The following CTNNBL1 variants were observed in gnomAD, a reference collection of about 807,000 sequenced individuals.
CTNNBL1 encodes beta-catenin-like protein 1.
Under a neutral mutation model 72.7 loss-of-function variants are expected in CTNNBL1, and 31 were observed. That is an observed-to-expected ratio of 0.43 (90% CI 0.32 to 0.58). The LOEUF is 0.58. Ranked by LOEUF, CTNNBL1 falls within the 20% of genes least tolerant of loss-of-function variation. CTNNBL1 has a pLI of 0.08. For synonymous variants in CTNNBL1, 240 were observed against 267.3 expected (o/e 0.90, Z 1.00); for missense variants, 534 against 725.1 (o/e 0.74, Z 3.03).
At chr20:37,746,673 C>A in intron 4 of CTNNBL1, 66 bp downstream of exon 4, 1 of 1,560,080 alleles carries the variant, frequency 6.4e-7, no homozygotes, top group Non-Finnish European at 8.8e-7. Flanking sequence ...TACTCTTTCT[C>A]CTGTCTCTCT....
intron 13 of CTNNBL1, among the ~76,000 whole-genome samples, chr20:37,858,985 G>C (rs897240352): frequency 6.6e-6 from 1 of 152,156 alleles, no homozygotes; most frequent in East Asian, 1.9e-4. Flanking sequence ...TGTTTAACCT[G>C]ATTTGGAAGG....
At chr20:37,837,424 A>G (rs1008305947) in intron 11 of CTNNBL1, among the ~76,000 whole-genome samples, 1 of 152,204 alleles carries the variant, frequency 6.6e-6, no homozygotes, top group African/African-American at 2.4e-5. Context: ...GAAGGTATAT[A>G]GTACCTCTGT....
chr20:37,716,702 G>A (rs1217233653), intron 1 of CTNNBL1, among the ~76,000 whole-genome samples: 1 of 152,162 alleles, frequency 6.6e-6, no homozygotes. Context: ...CTTCATTCAA[G>A]CTGAGAGGGA....
chr20:37,843,778 G>A (rs2072324679), intron 13 of CTNNBL1, among the ~76,000 whole-genome samples: 1 of 152,212 alleles, frequency 6.6e-6, no homozygotes, highest in Non-Finnish European at 1.5e-5. Context: ...CAGATAGGTA[G>A]CTGTGCTTTT....
intron 1 of CTNNBL1, among the ~76,000 whole-genome samples, chr20:37,723,637 G>A (rs1172552981): frequency 6.6e-6 from 1 of 152,122 alleles, no homozygotes; most frequent in Non-Finnish European, 1.5e-5. Flanking sequence ...TTTTCACTCA[G>A]ACATTTCCTA....
intron 10 of CTNNBL1, among the ~76,000 whole-genome samples, chr20:37,801,970 A>G (rs1470486280): frequency 6.6e-6 from 1 of 152,260 alleles, no homozygotes; most frequent in African/African-American, 2.4e-5. Flanking sequence ...CTAAAAGATT[A>G]TTAGAACTAG....
At chr20:37,845,363 G>A (rs568196950) in intron 13 of CTNNBL1, among the ~76,000 whole-genome samples, 17 of 152,278 alleles carry the variant, frequency 1.1e-4, no homozygotes, top group African/African-American at 3.8e-4. Context: ...TAGCACTGAC[G>A]GAGAGTAATC....
chr20:37,737,315 G>A, intron 2 of CTNNBL1, 63 bp from the exon 3 acceptor site: 1 of 1,117,822 alleles, frequency 8.9e-7, no homozygotes, highest in Non-Finnish European at 1.4e-6. Flanking sequence ...CCACAGGAAA[G>A]TAGTGACAAT....
chr20:37,804,972 C>T (rs775747941), intron 11 of CTNNBL1, among the ~76,000 whole-genome samples: 2 of 152,210 alleles, frequency 1.3e-5, no homozygotes, highest in Non-Finnish European at 2.9e-5. Flanking sequence ...AGCTCTGCAT[C>T]CTGAGCGGAC....
chr20:37,728,378 A>T (rs994706189), intron 1 of CTNNBL1, among the ~76,000 whole-genome samples: 4 of 152,378 alleles, frequency 2.6e-5, no homozygotes, highest in Admixed American at 6.5e-5. Context: ...CTACTAAAAA[A>T]TTTAAATTAC....
At chr20:37,755,890 C>A (rs763026589) in intron 4 of CTNNBL1, among the ~76,000 whole-genome samples, 1 of 152,198 alleles carries the variant, frequency 6.6e-6, no homozygotes. Context: ...CCCTCATGCT[C>A]ACCGTGCTTT....
intron 1 of CTNNBL1, among the ~76,000 whole-genome samples, chr20:37,719,023 A>T (rs2073017896): frequency 6.6e-6 from 1 of 152,186 alleles, no homozygotes. Context: ...ACAGGGTTAG[A>T]CTAGTATTCT....
intron 13 of CTNNBL1, among the ~76,000 whole-genome samples, chr20:37,850,371 G>A (rs768731245): frequency 4.6e-5 from 7 of 152,164 alleles, no homozygotes; most frequent in Admixed American, 1.3e-4. Context: ...TGTTCCCTTG[G>A]GAAATGCCTT....
At chr20:37,785,534 G>C (rs1046072926) in intron 10 of CTNNBL1, among the ~76,000 whole-genome samples, 14 of 151,980 alleles carry the variant, frequency 9.2e-5, no homozygotes, top group Admixed American at 6.6e-5. Context: ...TCCTTTATCA[G>C]TTCTGCTGTT....
At chr20:37,700,901 C>T (rs995891222) in intron 1 of CTNNBL1, among the ~76,000 whole-genome samples, 1 of 152,216 alleles carries the variant, frequency 6.6e-6, no homozygotes, top group Non-Finnish European at 1.5e-5. Flanking sequence ...TCAGTAATAT[C>T]TTAGCATATC....
At chr20:37,708,430 C>T (rs1302815263) in intron 1 of CTNNBL1, among the ~76,000 whole-genome samples, 1 of 152,112 alleles carries the variant, frequency 6.6e-6, no homozygotes, top group Admixed American at 6.5e-5. Flanking sequence ...CCTCAGCCTC[C>T]CAAAGTGTTG....
chr20:37,748,510 T>G (rs1009396309), intron 4 of CTNNBL1, among the ~76,000 whole-genome samples: 5 of 152,190 alleles, frequency 3.3e-5, no homozygotes, highest in Non-Finnish European at 5.9e-5. Context: ...TGCTAGGCCC[T>G]TAGGAACCAT....
chr20:37,756,454 ATGTGTGTGTGTGTGTCTG>A (rs1329551815), intron 4 of CTNNBL1: 2 of 144,322 alleles, frequency 1.4e-5, no homozygotes, highest in Non-Finnish European at 3.1e-5. Flanking sequence ...CCGTGTGTGT[ATGTGTGTGTGTGTGTCTG>A]TGTGTGTGTG....
At position 37,694,120 on chromosome 20, in the gene CTNNBL1, A is replaced by G. The variant is rs574069643; in HGVS notation, c.-3A>G. 3.7e-6 allele frequency: 6 copies of G among 1,603,426 alleles called. No homozygotes were observed. The South Asian group carries it at 4.4e-5, about 12-fold the overall frequency. On this transcript the variant is annotated 5_prime_UTR_variant, in exon 1 of 16. Transcript: ENST00000361383. ...AAGTGGAGTATTTGCTGGGCCGGGTACCATGGACGTGGGCGAACTTCTGAG... is the reference window on the plus strand; with the variant it reads ...AAGTGGAGTATTTGCTGGGCCGGGTGCCATGGACGTGGGCGAACTTCTGAG...
Sources: gnomAD v4.1 joint callset for allele counts (sites outside exome capture counted in the v4.1 genomes callset) on GRCh38, gnomAD v4.1.1 for gene constraint, MANE v1.5 for transcripts, NCBI Gene and HGNC (gene_info 2026-07-23, HGNC 2026-07-21) for gene names.